Variants in DPYD observed in about 807,000 individuals in gnomAD.
DPYD encodes the protein dihydropyrimidine dehydrogenase, also known as dihydropyrimidine dehydrogenase [NADP(+)].
Under a neutral mutation model 116.2 loss-of-function variants are expected in DPYD, and 109 were observed. That is an observed-to-expected ratio of 0.94 (90% CI 0.80 to 1.10). The LOEUF (loss-of-function observed/expected upper bound fraction) is 1.10, where lower values mean the gene tolerates loss of function less well. Ranked by LOEUF, DPYD falls within the 50% of genes least tolerant of loss-of-function variation. The probability of loss-of-function intolerance (pLI) is 0.00; values close to 1 mark genes in which losing one functional copy is unlikely to be tolerated. For missense variants in DPYD, 1,302 were observed against 1,254.5 expected (o/e 1.04, Z -0.57); for synonymous variants, 440 against 432.0 (o/e 1.02, Z -0.23).
chr1:97,173,365 T>TGCAC, intron 20 of DPYD, among the ~76,000 whole-genome samples: 1 of 149,506 alleles, frequency 6.7e-6, no homozygotes, highest in South Asian at 2.2e-4. Context: ...TGTACATATA[T>TGCAC]ACATATATGT....
intron 2 of DPYD, among the ~76,000 whole-genome samples, chr1:97,861,124 A>G (rs1166326346): frequency 6.6e-6 from 1 of 152,058 alleles, no homozygotes; most frequent in Non-Finnish European, 1.5e-5. Flanking sequence ...CTCAAAATAC[A>G]CCGCAAAAAA....
At chr1:97,466,722 C>T (rs988516108) in intron 13 of DPYD, among the ~76,000 whole-genome samples, 6 of 152,070 alleles carry the variant, frequency 3.9e-5, no homozygotes. Context: ...CCAAAGAGAC[C>T]TCCTTCTGGT....
At chr1:97,534,210 G>A (rs149297764) in intron 12 of DPYD, among the ~76,000 whole-genome samples, 298 of 152,206 alleles carry the variant, frequency 2.0e-3, no homozygotes, top group African/African-American at 6.6e-3. Context: ...TGTATTTGAA[G>A]GCTACATTCT....
chr1:97,496,364 A>C (rs1276416300), intron 13 of DPYD, among the ~76,000 whole-genome samples: 3 of 152,046 alleles, frequency 2.0e-5, no homozygotes, highest in African/African-American at 7.2e-5. Context: ...GTCAATGAAC[A>C]TGTTCATCTG....
intron 8 of DPYD, among the ~76,000 whole-genome samples, chr1:97,671,595 G>A (rs1486234381): frequency 1.3e-5 from 2 of 152,054 alleles, no homozygotes; most frequent in African/African-American, 2.4e-5. Context: ...TTCTCAACAA[G>A]TTATTACATT....
chr1:97,287,223 G>A (rs548813882), intron 18 of DPYD, among the ~76,000 whole-genome samples: 75 of 152,280 alleles, frequency 4.9e-4, no homozygotes, highest in Non-Finnish European at 3.7e-4. Flanking sequence ...TATCAGCAGC[G>A]GTGGCCGCAG....
chr1:97,346,869 T>C (rs1669877568), intron 16 of DPYD, among the ~76,000 whole-genome samples: 1 of 151,886 alleles, frequency 6.6e-6, no homozygotes, highest in South Asian at 2.1e-4. Context: ...TTGAAAGTGG[T>C]TATGACCAAG....
At chr1:97,346,862 A>G (rs990656123) in intron 16 of DPYD, among the ~76,000 whole-genome samples, 2 of 151,930 alleles carry the variant, frequency 1.3e-5, no homozygotes, top group Non-Finnish European at 2.9e-5. Flanking sequence ...AGAATTGTTG[A>G]AAGTGGTTAT....
intron 12 of DPYD, among the ~76,000 whole-genome samples, chr1:97,525,208 C>T (rs1202633832): frequency 1.3e-5 from 2 of 152,200 alleles, no homozygotes; most frequent in Non-Finnish European, 2.9e-5. Flanking sequence ...GCACAGGAAT[C>T]ACAGTAGGCT....
At chr1:97,515,677 TA>T (rs761422047) in intron 13 of DPYD, 48 bp downstream of exon 13, 1 of 1,530,882 alleles carries the variant, frequency 6.5e-7, no homozygotes, top group South Asian at 1.2e-5. Context: ...ATACCTTAAT[TA>T]AAATATATGA....
intron 3 of DPYD, among the ~76,000 whole-genome samples, chr1:97,775,423 A>T (rs1666344270): frequency 6.6e-6 from 1 of 152,100 alleles, no homozygotes; most frequent in South Asian, 2.1e-4. Context: ...CTACATATTT[A>T]TTGGCAGGAC....
At chr1:97,774,162 C>T (rs1183198118) in intron 3 of DPYD, among the ~76,000 whole-genome samples, 2 of 152,154 alleles carry the variant, frequency 1.3e-5, no homozygotes, top group African/African-American at 2.4e-5. Flanking sequence ...CCGTTGCATG[C>T]CCTGTGAGGG....
At chr1:97,640,558 T>G (rs1657829925) in intron 8 of DPYD, among the ~76,000 whole-genome samples, 1 of 152,104 alleles carries the variant, frequency 6.6e-6, no homozygotes, top group African/African-American at 2.4e-5. Flanking sequence ...ATCCTCCCAC[T>G]GAAGCCTCCC....
At chr1:97,516,808 G>A (rs571848171) in intron 12 of DPYD, among the ~76,000 whole-genome samples, 1 of 152,024 alleles carries the variant, frequency 6.6e-6, no homozygotes, top group Admixed American at 6.6e-5. Context: ...TGTTTGTAAA[G>A]TGTCTCTCTC....
chr1:97,314,208 T>C (rs1397965633), intron 16 of DPYD, among the ~76,000 whole-genome samples: 2 of 151,862 alleles, frequency 1.3e-5, no homozygotes, highest in Non-Finnish European at 1.5e-5. Context: ...TGTCTGAACC[T>C]TTAATATATT....
chr1:97,770,484 T>C (rs1666083430), intron 3 of DPYD, among the ~76,000 whole-genome samples: 1 of 152,148 alleles, frequency 6.6e-6, no homozygotes, highest in African/African-American at 2.4e-5. Flanking sequence ...AAAAAAAATT[T>C]TGAATAGTGA....
chr1:97,225,931 G>A (rs1169806287), intron 19 of DPYD, among the ~76,000 whole-genome samples: 3 of 151,918 alleles, frequency 2.0e-5, no homozygotes, highest in Non-Finnish European at 4.4e-5. Context: ...CCAGAAAAGG[G>A]TACTATAGGA....
At chr1:97,501,239 C>T (rs994357781) in intron 13 of DPYD, among the ~76,000 whole-genome samples, 3 of 152,066 alleles carry the variant, frequency 2.0e-5, no homozygotes, top group African/African-American at 7.2e-5. Context: ...ATTAAAACTA[C>T]TTTAATATCT....
At chr1:97,313,007 A>G (rs1043769724) in intron 16 of DPYD, among the ~76,000 whole-genome samples, 7 of 151,950 alleles carry the variant, frequency 4.6e-5, no homozygotes, top group Non-Finnish European at 8.8e-5. Context: ...ACCATGAGGC[A>G]CTACAAATTT....
Sources: gnomAD v4.1 joint callset for allele counts (sites outside exome capture counted in the v4.1 genomes callset) on GRCh38, gnomAD v4.1.1 for gene constraint, MANE v1.5 for transcripts, NCBI Gene and HGNC (gene_info 2026-07-23, HGNC 2026-07-21) for gene names.